The following TFB1M variants were observed in gnomAD, a reference collection of about 807,000 sequenced individuals.
The protein encoded by TFB1M is transcription factor B1, mitochondrial.
Under a neutral mutation model 31.1 loss-of-function variants are expected in TFB1M, and 27 were observed. That is an observed-to-expected ratio of 0.87 (90% confidence interval 0.64 to 1.20). TFB1M has a LOEUF of 1.20. Among genes scored for constraint, TFB1M ranks in the 50% most tolerant of loss-of-function variants. The pLI, the probability that TFB1M is intolerant of heterozygous loss-of-function variation, is 0.00. For missense variants in TFB1M, 394 were observed against 418.7 expected, an observed-to-expected ratio of 0.94 and a Z score of 0.51; for synonymous variants, 166 against 151.8, an observed-to-expected ratio of 1.09 and a Z score of -0.69.
rs1283875060 is a variant in TFB1M, at chr6:155,257,854, T to C, written c.1023A>G (p.Ala341=). 1 of 1,614,228 alleles carries C rather than the reference T, an allele frequency of 6.2e-7. No individual in the cohort carries two copies. The highest frequency in any genetic ancestry group is 1.3e-5 in the African/African-American group (1 of 75,060). The part of the protein sequence containing the change: ...SKNEEKEEDD[A]ENYRL ...GCAGCAGCTAGAGTCTGTAATTCTC[T>C]GCGTCATCCTCTTCTTTTTCTTCAT... The change falls in exon 7 of 7, where the codon GCA becomes GCG. Residue 341 remains alanine (A), a synonymous_variant. Transcript: ENST00000367166.
downstream of TFB1M, among the ~76,000 whole-genome samples, chr6:155,251,490 C>T (rs1219041435): frequency 6.6e-6 from 1 of 152,024 alleles, no homozygotes; most frequent in East Asian, 1.9e-4. Context: ...TTTCACCATG[C>T]TGGCCAGACT....
chr6:155,249,515 G>C, the TFB1M span, among the ~76,000 whole-genome samples: 3 of 152,200 alleles, frequency 2.0e-5, no homozygotes, highest in Non-Finnish European at 4.4e-5. Flanking sequence ...TTGAGTTATT[G>C]CGGGCACTAA....
At chr6:155,238,185 T>G in the TFB1M span, among the ~76,000 whole-genome samples, 1 of 152,218 alleles carries the variant, frequency 6.6e-6, no homozygotes, top group Admixed American at 6.5e-5. Flanking sequence ...AGGGGCAAAA[T>G]GCCGCCAAGC....
intron 5 of TFB1M, among the ~76,000 whole-genome samples, chr6:155,266,355 T>C (rs1784632767): frequency 6.6e-6 from 1 of 152,158 alleles, no homozygotes; most frequent in African/African-American, 2.4e-5. Flanking sequence ...GAAATGAGAA[T>C]CACAGGTTTG....
the TFB1M span, among the ~76,000 whole-genome samples, chr6:155,232,372 C>T: frequency 6.6e-6 from 1 of 152,104 alleles, no homozygotes; most frequent in Non-Finnish European, 1.5e-5. Context: ...TTTAGTAGTG[C>T]AGCCTCCCCA....
intron 5 of TFB1M, chr6:155,260,727 G>A: frequency 2.6e-6 from 1 of 384,068 alleles, no homozygotes; most frequent in South Asian, 2.2e-5. Flanking sequence ...GATAATAGAT[G>A]GCATTAGAAT....
chr6:155,288,609 C>G (rs562644591), intron 4 of TFB1M, among the ~76,000 whole-genome samples: 4 of 152,166 alleles, frequency 2.6e-5, no homozygotes, highest in Non-Finnish European at 5.9e-5. Flanking sequence ...AGAACACATC[C>G]AGAAACGTCA....
rs1173064909 is a variant in TFB1M, at chr6:155,285,402, GCTAT to G, written c.547-129_547-126del. ...TTTGAGGCAAATTTGAAAAGAATGG[GCTAT>G]CTGACACATGACACACAGCAAACAT... On this transcript the variant is annotated intron_variant, in intron 4 of 6. Transcript: ENST00000367166. 5.8e-6 allele frequency: 6 copies of G among 1,029,326 alleles called. No homozygotes were observed. In the Admixed American group the frequency reaches 6.0e-5, roughly 10 times the overall value. The allele number at this position is 1,029,326 out of a possible 1,614,324, so 63.8% of individuals were successfully genotyped here.
rs1443327211 is a variant in TFB1M at position 155,295,392 on chromosome 6, G to A, written c.546+1561C>T. On this transcript the variant is annotated intron_variant, in intron 4 of 6. Coordinates refer to ENST00000367166, the MANE Select transcript of TFB1M (RefSeq NM_016020.4). ...AAAAAAAAAAGGACAAAACTAAAGTGTATTCATCATAGGAATATAAATCTG... is the reference window on the plus strand; with the variant it reads ...AAAAAAAAAAGGACAAAACTAAAGTATATTCATCATAGGAATATAAATCTG... Among the ~76,000 whole-genome samples, 3 of 151,930 alleles carry A rather than the reference G, an allele frequency of 2.0e-5. No individual in the cohort carries two copies. In the East Asian group the frequency reaches 5.8e-4, roughly 29 times the overall value.
chr6:155,275,603 C>CT, intron 5 of TFB1M: 2 of 1,103,276 alleles, frequency 1.8e-6, no homozygotes, highest in Non-Finnish European at 2.6e-6. Flanking sequence ...CTGGTTTTGC[C>CT]TTTTTTCCTT....
chr6:155,245,754 A>AATT, the TFB1M span: 1 of 562,928 alleles, frequency 1.8e-6, no homozygotes, highest in Non-Finnish European at 2.5e-6. Context: ...TGCCTTTTAT[A>AATT]GTTTTTTTTT....
intron 4 of TFB1M, among the ~76,000 whole-genome samples, chr6:155,285,903 A>T (rs1204871358): frequency 6.6e-6 from 1 of 152,168 alleles, no homozygotes; most frequent in East Asian, 1.9e-4. Context: ...GTCCAACAAG[A>T]TTTTAAAAAT....
At chr6:155,288,376 C>T (rs1562409667) in intron 4 of TFB1M, among the ~76,000 whole-genome samples, 1 of 152,128 alleles carries the variant, frequency 6.6e-6, no homozygotes. Flanking sequence ...GACACATATA[C>T]TCTCATACAG....
intron 5 of TFB1M, among the ~76,000 whole-genome samples, chr6:155,274,851 T>A (rs1329572998): frequency 6.6e-6 from 1 of 152,250 alleles, no homozygotes; most frequent in Non-Finnish European, 1.5e-5. Flanking sequence ...CTAAAATGTA[T>A]TTATAAACCA....
the TFB1M span, among the ~76,000 whole-genome samples, chr6:155,243,101 T>C: frequency 5.6e-4 from 86 of 152,286 alleles, no homozygotes; most frequent in African/African-American, 2.0e-3. Flanking sequence ...TGCAGTCTAC[T>C]CCCACTATAC....
chr6:155,266,723 T>C (rs1422074070), intron 5 of TFB1M, among the ~76,000 whole-genome samples: 2 of 151,736 alleles, frequency 1.3e-5, no homozygotes, highest in Non-Finnish European at 2.9e-5. Flanking sequence ...GGCGGCCGCC[T>C]GTAGTCCCCG....
At chr6:155,270,872 C>T (rs1784886822) in intron 5 of TFB1M, among the ~76,000 whole-genome samples, 2 of 152,300 alleles carry the variant, frequency 1.3e-5, no homozygotes, top group African/African-American at 2.4e-5. Context: ...TCAACTTCTT[C>T]CAGTATTTAT....
intron 3 of TFB1M, among the ~76,000 whole-genome samples, chr6:155,298,230 AGTTT>A (rs1420116610): frequency 6.6e-6 from 1 of 152,242 alleles, no homozygotes; most frequent in Non-Finnish European, 1.5e-5. Flanking sequence ...AAAAATGGTT[AGTTT>A]ATTTGCACAG....
chr6:155,267,409 C>G (rs1784706791), intron 5 of TFB1M, among the ~76,000 whole-genome samples: 1 of 152,214 alleles, frequency 6.6e-6, no homozygotes, highest in Admixed American at 6.5e-5. Context: ...AAATTAGGGC[C>G]TACACACAGA....
Sources: gnomAD v4.1 joint callset for allele counts (sites outside exome capture counted in the v4.1 genomes callset) on GRCh38, gnomAD v4.1.1 for gene constraint, MANE v1.5 for transcripts, NCBI Gene and HGNC (gene_info 2026-07-23, HGNC 2026-07-21) for gene names.